TOX3: variants seen among roughly 807,000 people sequenced by gnomAD.
TOX3 encodes CAG trinucleotide repeat-containing gene F9 protein.
In TOX3, 22 loss-of-function variants were observed where a neutral mutation model predicts 64.3. That is an observed-to-expected ratio of 0.34 (90% confidence interval 0.24 to 0.49). The LOEUF is 0.49. TOX3 is among the 20% of genes least tolerant of loss of function. The probability of loss-of-function intolerance (pLI) is 0.99; values close to 1 mark genes in which losing one functional copy is unlikely to be tolerated. For synonymous variants in TOX3, 291 were observed against 273.6 expected (o/e 1.06, Z -0.63); for missense variants, 661 against 714.4 (o/e 0.93, Z 0.85).
chr16:52,477,767 T>C (rs571122252), intron 1 of TOX3, among the ~76,000 whole-genome samples: 3 of 152,322 alleles, frequency 2.0e-5, no homozygotes, highest in African/African-American at 4.8e-5. Flanking sequence ...ATAAGAACAG[T>C]ATTTGCCACA....
At chr16:52,487,726 A>G (rs1477424141) in intron 1 of TOX3, among the ~76,000 whole-genome samples, 1 of 152,212 alleles carries the variant, frequency 6.6e-6, no homozygotes, top group Non-Finnish European at 1.5e-5. Context: ...TTTGCAGTTA[A>G]AGTTAATACA....
In TOX3 at chr16:52,520,645, C is replaced by A. The variant is rs147098073; in HGVS notation, c.87+25992G>T. Among the ~76,000 whole-genome samples, 902 of 152,282 alleles carry A rather than the reference C, an allele frequency of 5.9e-3. 8 individuals are homozygous for A. Among genetic ancestry groups the A allele is most frequent in the African/African-American group, 0.02 (814 of 41,556 alleles). On this transcript the variant is annotated intron_variant, in intron 1 of 6. Transcript: ENST00000219746. ...AGGAAAGTAATATGGTGCATATTCC[C>A]TTATTACATAATACCTCTAGTGGTC...
In TOX3 at chr16:52,438,888, A is replaced by T. The variant is rs1438704363; in HGVS notation, c.*337T>A. ...GGAGAAATAAGGCCATTTTTCTATG[A>T]CTCAGAGAGGCCAGTTTATAGTCAT... On this transcript the variant is annotated 3_prime_UTR_variant, in exon 7 of 7. Coordinates refer to ENST00000219746, the MANE Select transcript of TOX3 (RefSeq NM_001080430.4). The T allele has an allele frequency of 1.9e-6, 1 of 528,184 alleles. No individual in the cohort carries two copies. Among genetic ancestry groups the T allele is most frequent in the East Asian group, 5.3e-5 (1 of 19,030 alleles). 32.7% of individuals were successfully genotyped at this position (528,184 alleles called of 1,614,324 possible). A position where few individuals can be genotyped will look rare whatever the true frequency, so the allele number is the denominator to read the frequency against.
At chr16:52,493,943 T>C (rs1961769866) in intron 1 of TOX3, among the ~76,000 whole-genome samples, 1 of 152,232 alleles carries the variant, frequency 6.6e-6, no homozygotes, top group Non-Finnish European at 1.5e-5. Flanking sequence ...TAAACATTTA[T>C]CTTCACCAAT....
At chr16:52,466,446 C>T (rs1960865414) in intron 2 of TOX3, among the ~76,000 whole-genome samples, 2 of 152,204 alleles carry the variant, frequency 1.3e-5, no homozygotes, top group South Asian at 4.2e-4. Context: ...TTAGTTTACA[C>T]TCATTAAAAT....
At chr16:52,479,340 C>A (rs1476074911) in intron 1 of TOX3, among the ~76,000 whole-genome samples, 1 of 152,186 alleles carries the variant, frequency 6.6e-6, no homozygotes, top group African/African-American at 2.4e-5. Flanking sequence ...TAGGAGCCTG[C>A]AAGTATACAC....
At chr16:52,525,187 T>C (rs955371779) in intron 1 of TOX3, among the ~76,000 whole-genome samples, 1 of 152,140 alleles carries the variant, frequency 6.6e-6, no homozygotes, top group Non-Finnish European at 1.5e-5. Flanking sequence ...CAAAGGCTGA[T>C]GATATTTTGT....
At chr16:52,458,416 C>T (rs1960586994) in intron 3 of TOX3, among the ~76,000 whole-genome samples, 1 of 152,042 alleles carries the variant, frequency 6.6e-6, no homozygotes, top group African/African-American at 2.4e-5. Flanking sequence ...TCTCACCTCT[C>T]CAAAAAATAT....
chr16:52,522,477 G>A (rs1962632681), intron 1 of TOX3, among the ~76,000 whole-genome samples: 1 of 152,200 alleles, frequency 6.6e-6, no homozygotes. Flanking sequence ...CACCTCCTTT[G>A]AAGAAGTCTC....
chr16:52,462,643 C>A (rs138427252), intron 3 of TOX3, among the ~76,000 whole-genome samples: 1 of 152,056 alleles, frequency 6.6e-6, no homozygotes, highest in Non-Finnish European at 1.5e-5. Flanking sequence ...ACTAAACACA[C>A]CCATTTTATT....
At chr16:52,514,726 C>G (rs1357638144) in intron 1 of TOX3, among the ~76,000 whole-genome samples, 2 of 151,830 alleles carry the variant, frequency 1.3e-5, no homozygotes, top group Non-Finnish European at 2.9e-5. Context: ...ATAAAAGGAC[C>G]CAGGGCCAGG....
rs527251181 is a variant in TOX3, at chr16:52,460,144, C to T, written c.408+3790G>A. ...CCATACTCAAATACTTTCCTTACTTCCATCTTTTTCAATTTTCTAATACTC... is the reference window on the plus strand; with the variant it reads ...CCATACTCAAATACTTTCCTTACTTTCATCTTTTTCAATTTTCTAATACTC... On this transcript the variant is annotated intron_variant, in intron 3 of 6. Transcript: ENST00000219746. 2.0e-5 allele frequency among the ~76,000 whole-genome samples: 3 copies of T among 152,218 alleles called. No individual in the cohort carries two copies. The East Asian group carries it at 5.8e-4, about 29-fold the overall frequency.
intron 1 of TOX3, among the ~76,000 whole-genome samples, chr16:52,509,023 TTTA>T (rs1042763974): frequency 3.3e-5 from 5 of 152,282 alleles, no homozygotes; most frequent in Admixed American, 6.5e-5. Flanking sequence ...TTATTATTCA[TTTA>T]TTATTTATTA....
intron 1 of TOX3, among the ~76,000 whole-genome samples, chr16:52,529,722 C>A (rs1962809744): frequency 6.6e-6 from 1 of 152,176 alleles, no homozygotes. Flanking sequence ...CAGTAAGATA[C>A]AGCGAAGTGG....
At chr16:52,463,054 G>T (rs1001358110) in intron 3 of TOX3, among the ~76,000 whole-genome samples, 1 of 152,050 alleles carries the variant, frequency 6.6e-6, no homozygotes, top group Non-Finnish European at 1.5e-5. Context: ...AACATCACTG[G>T]CATGGTCCTA....
chr16:52,441,733 AAC>A (rs1287320819), intron 6 of TOX3, among the ~76,000 whole-genome samples: 1 of 152,198 alleles, frequency 6.6e-6, no homozygotes, highest in Non-Finnish European at 1.5e-5. Context: ...ACTGAGATGT[AAC>A]CTCATATAGA....
chr16:52,504,906 C>T (rs1409179695), intron 1 of TOX3, among the ~76,000 whole-genome samples: 1 of 152,108 alleles, frequency 6.6e-6, no homozygotes, highest in Non-Finnish European at 1.5e-5. Context: ...ATGATCTTGG[C>T]TCACTGCAAC....
chr16:52,512,933 G>A (rs1962349164), intron 1 of TOX3, among the ~76,000 whole-genome samples: 1 of 152,180 alleles, frequency 6.6e-6, no homozygotes, highest in South Asian at 2.1e-4. Flanking sequence ...AGTAACGTAA[G>A]CGAAAACAAT....
At chr16:52,445,778 G>A in intron 5 of TOX3, 1 of 489,812 alleles carries the variant, frequency 2.0e-6, no homozygotes. Context: ...TCCTCTGAAT[G>A]GGTTCTGAAC....
Sources: gnomAD v4.1 joint callset for allele counts (sites outside exome capture counted in the v4.1 genomes callset) on GRCh38, gnomAD v4.1.1 for gene constraint, MANE v1.5 for transcripts, NCBI Gene and HGNC (gene_info 2026-07-23, HGNC 2026-07-21) for gene names.